DDX4: variants seen among roughly 807,000 people sequenced by gnomAD.
DDX4 encodes DEAD-box helicase 4, also known as probable ATP-dependent RNA helicase DDX4.
In DDX4, 25 loss-of-function variants were observed where a neutral mutation model predicts 100.0. The observed-to-expected ratio is 0.25, with a 90% CI of 0.18 to 0.35. DDX4 has a LOEUF of 0.35. DDX4 is among the 10% of genes least tolerant of loss of function. The pLI, the probability that DDX4 is intolerant of heterozygous loss-of-function variation, is 1.00. For missense variants in DDX4, 635 were observed against 882.4 expected (o/e 0.72, Z 3.55); for synonymous variants, 259 against 275.7 (o/e 0.94, Z 0.60).
In DDX4 at chr5:55,785,832, T is replaced by C; in HGVS notation, c.825T>C (p.Leu275=). The C allele has an allele frequency of 6.2e-7, 1 of 1,609,862 alleles. No homozygotes were observed. The highest frequency in any genetic ancestry group is 8.5e-7 in the Non-Finnish European group (1 of 1,176,166). ...GINFDKYDTI[L]VEVSGHDAPP... ...ACTTCGACAAATACGACACTATTCT[T>C]GTGGAAGTGTCTGGACATGATGCAC... The change falls in exon 13 of 22, where the codon CTT becomes CTC. Residue 275 remains leucine (L), a synonymous_variant. Transcript: ENST00000505374.
intron 10 of DDX4, 88 bp downstream of exon 10, chr5:55,782,069 A>C (rs1387338394): frequency 1.3e-6 from 2 of 1,481,894 alleles, no homozygotes; most frequent in African/African-American, 2.8e-5. Context: ...GTTGGAAACA[A>C]ATTTAATTTT....
Position 55,780,077 on chromosome 5 carries a change from A to G in DDX4, c.496+12A>G. On this transcript the variant is annotated intron_variant, in intron 8 of 21. Coordinates refer to ENST00000505374, the MANE Select transcript of DDX4 (RefSeq NM_024415.3). ...TCTAGGAAGTCCAAGTTAGTACTGG[A>G]TTTGCAAATGATGTGCTTCATTAAC... The G allele has an allele frequency of 2.5e-6, 4 of 1,612,746 alleles. No individual in the cohort carries two copies. Among genetic ancestry groups the G allele is most frequent in the South Asian group, 1.1e-5 (1 of 90,836 alleles).
chr5:55,811,022 CT>C (rs5867999), intron 18 of DDX4, among the ~76,000 whole-genome samples: 16,239 of 140,372 alleles, frequency 0.12, 1,261 homozygotes, highest in East Asian at 0.3. Flanking sequence ...CTTCTTTAGT[CT>C]TTTTTTTTTT....
At chr5:55,788,917 ACTAG>A (rs373255036) in intron 15 of DDX4, among the ~76,000 whole-genome samples, 7 of 152,244 alleles carry the variant, frequency 4.6e-5, no homozygotes, top group African/African-American at 1.7e-4. Context: ...AAGAACAAAA[ACTAG>A]CTAGGTGCAG....
At chr5:55,745,391 G>C (rs147650776) in intron 2 of DDX4, among the ~76,000 whole-genome samples, 1 of 152,018 alleles carries the variant, frequency 6.6e-6, no homozygotes, top group Non-Finnish European at 1.5e-5. Context: ...TGTATTACTT[G>C]TCAGATTTTA....
intron 18 of DDX4, among the ~76,000 whole-genome samples, chr5:55,809,246 C>T (rs1349498018): frequency 2.0e-5 from 3 of 152,228 alleles, no homozygotes; most frequent in Admixed American, 1.3e-4. Flanking sequence ...AGGGAATTCC[C>T]TGACCCCTTG....
intron 2 of DDX4, among the ~76,000 whole-genome samples, chr5:55,742,659 A>G (rs17699426): frequency 0.12 from 18,960 of 152,184 alleles, 1,230 homozygotes; most frequent in Middle Eastern, 0.15. Context: ...TTTGAGAGAT[A>G]ATAATGGTTT....
intron 15 of DDX4, among the ~76,000 whole-genome samples, chr5:55,788,728 G>A (rs915704001): frequency 1.3e-5 from 2 of 151,938 alleles, no homozygotes; most frequent in African/African-American, 4.8e-5. Flanking sequence ...TTTCTAACTT[G>A]GGGCTATTGT....
chr5:55,810,881 T>A (rs148728562), intron 18 of DDX4, among the ~76,000 whole-genome samples: 1 of 152,114 alleles, frequency 6.6e-6, no homozygotes, highest in Non-Finnish European at 1.5e-5. Flanking sequence ...AAAAACTATT[T>A]GGTTATCAAT....
chr5:55,743,652 ACTC>A (rs1759102033), intron 2 of DDX4, among the ~76,000 whole-genome samples: 1 of 151,668 alleles, frequency 6.6e-6, no homozygotes, highest in African/African-American at 2.4e-5. Flanking sequence ...CTGGTCTTGA[ACTC>A]CTGACCTCAG....
chr5:55,805,805 C>T (rs181512332), intron 18 of DDX4, among the ~76,000 whole-genome samples: 11 of 152,242 alleles, frequency 7.2e-5, no homozygotes, highest in African/African-American at 2.6e-4. Context: ...TGTATCTCTG[C>T]CCGGCTTTGG....
chr5:55,793,029 T>A (rs1304453189), intron 17 of DDX4, among the ~76,000 whole-genome samples: 1 of 144,000 alleles, frequency 6.9e-6, no homozygotes, highest in Non-Finnish European at 1.5e-5. Context: ...AAAAAGTGTG[T>A]GTGTGTGTGT....
At chr5:55,769,921 C>T (rs530323120) in intron 7 of DDX4, among the ~76,000 whole-genome samples, 3 of 150,808 alleles carry the variant, frequency 2.0e-5, no homozygotes, top group African/African-American at 7.3e-5. Context: ...GGCTGGAGTG[C>T]AGTGGTGTGA....
At chr5:55,776,133 CAAGA>C (rs1257734183) in intron 7 of DDX4, among the ~76,000 whole-genome samples, 76 of 152,058 alleles carry the variant, frequency 5.0e-4, no homozygotes, top group Non-Finnish European at 9.1e-4. Flanking sequence ...AAACAAAAAA[CAAGA>C]AAAGGACTCA....
chr5:55,803,497 C>T (rs1365791042), intron 18 of DDX4, among the ~76,000 whole-genome samples: 4 of 113,606 alleles, frequency 3.5e-5, no homozygotes, highest in African/African-American at 1.4e-4. Flanking sequence ...CACAACAGTC[C>T]CCAGAGTGTG....
At chr5:55,807,138 T>G (rs899165255) in intron 18 of DDX4, among the ~76,000 whole-genome samples, 2 of 152,246 alleles carry the variant, frequency 1.3e-5, no homozygotes, top group Non-Finnish European at 2.9e-5. Flanking sequence ...GAGACTAGGA[T>G]TGCAACCCCT....
chr5:55,789,783 C>T lies in DDX4; in HGVS notation c.1173-793C>T, dbSNP rs1742445151. Among the ~76,000 whole-genome samples the T allele has an allele frequency of 2.0e-5, 3 of 152,270 alleles. No homozygotes were observed. The South Asian group carries it at 6.2e-4, about 32-fold the overall frequency. On this transcript the variant is annotated intron_variant, in intron 15 of 21. Transcript: ENST00000505374. Reference sequence around the variant, plus strand: ...ACTCTGTGTGACTGGACAGGTTGCACACTCATGAGGCCAGCCTTACCCACA... The same window carrying T: ...ACTCTGTGTGACTGGACAGGTTGCATACTCATGAGGCCAGCCTTACCCACA...
Position 55,800,861 on chromosome 5 carries a change from T to C in DDX4, c.1615+2290T>C, listed in dbSNP as rs544584555. Reference sequence around the variant, plus strand: ...ATCCATCCAGTATATCCTCAAATTATATAAATTTTGTTCATATGATTTATC... The same window carrying C: ...ATCCATCCAGTATATCCTCAAATTACATAAATTTTGTTCATATGATTTATC... On this transcript the variant is annotated intron_variant, in intron 18 of 21. Transcript: ENST00000505374. Among the ~76,000 whole-genome samples, 3 of 152,344 alleles carry C rather than the reference T, an allele frequency of 2.0e-5. No individual in the cohort carries two copies. The East Asian group carries it at 5.8e-4, about 29-fold the overall frequency.
chr5:55,759,615 A>G (rs541888915), intron 3 of DDX4, among the ~76,000 whole-genome samples: 2 of 152,278 alleles, frequency 1.3e-5, no homozygotes, highest in African/African-American at 4.8e-5. Flanking sequence ...CCTTGTGCAT[A>G]CTATTGTATG....
Sources: gnomAD v4.1 joint callset for allele counts (sites outside exome capture counted in the v4.1 genomes callset) on GRCh38, gnomAD v4.1.1 for gene constraint, MANE v1.5 for transcripts, NCBI Gene and HGNC (gene_info 2026-07-23, HGNC 2026-07-21) for gene names.